The following HLCS variants were observed in gnomAD, a reference collection of about 807,000 sequenced individuals.
The protein encoded by HLCS is holocarboxylase synthetase.
Under a neutral mutation model 75.0 loss-of-function variants are expected in HLCS, and 53 were observed. The ratio of observed to expected loss-of-function variants is 0.71; its 90% CI spans 0.57 to 0.89. HLCS has a LOEUF of 0.89. Ranked by LOEUF, HLCS falls within the 40% of genes least tolerant of loss-of-function variation. The probability of loss-of-function intolerance (pLI) is 0.00; values close to 1 mark genes in which losing one functional copy is unlikely to be tolerated. For missense variants in HLCS, 966 were observed against 1,074.0 expected, an observed-to-expected ratio of 0.90 and a Z score of 1.41; for synonymous variants, 431 against 428.6, an observed-to-expected ratio of 1.01 and a Z score of -0.07.
intron 6 of HLCS, among the ~76,000 whole-genome samples, chr21:36,785,898 G>A (rs1338968153): frequency 6.6e-6 from 1 of 152,160 alleles, no homozygotes; most frequent in Non-Finnish European, 1.5e-5. Flanking sequence ...AGGCCCAGGT[G>A]GCAGAACTCC....
chr21:36,851,185 C>A (rs2062991850), intron 6 of HLCS, among the ~76,000 whole-genome samples: 1 of 152,186 alleles, frequency 6.6e-6, no homozygotes. Flanking sequence ...TAGGCATATA[C>A]CCAAAAGAAT....
intron 6 of HLCS, among the ~76,000 whole-genome samples, chr21:36,895,600 A>G (rs909163263): frequency 6.6e-6 from 1 of 152,180 alleles, no homozygotes; most frequent in African/African-American, 2.4e-5. Flanking sequence ...TACAACACAC[A>G]TACTAACACT....
intron 6 of HLCS, among the ~76,000 whole-genome samples, chr21:36,772,826 C>T (rs1277001938): frequency 6.6e-6 from 1 of 151,772 alleles, no homozygotes; most frequent in African/African-American, 2.4e-5. Context: ...ACTAAAAATA[C>T]AGAAATTAGC....
At chr21:36,781,254 T>C (rs1041732147) in intron 6 of HLCS, among the ~76,000 whole-genome samples, 2 of 121,788 alleles carry the variant, frequency 1.6e-5, no homozygotes, top group Non-Finnish European at 3.5e-5. Flanking sequence ...CGTGAAACTC[T>C]GTCTCAAAAA....
intron 6 of HLCS, among the ~76,000 whole-genome samples, chr21:36,857,179 A>G (rs1397402127): frequency 6.6e-6 from 1 of 152,266 alleles, no homozygotes; most frequent in African/African-American, 2.4e-5. Context: ...AGGATTGCTT[A>G]TCTCTTGTTC....
chr21:36,804,419 C>A (rs1467653946), intron 6 of HLCS, among the ~76,000 whole-genome samples: 1 of 152,150 alleles, frequency 6.6e-6, no homozygotes, highest in Non-Finnish European at 1.5e-5. Context: ...CGCTGGGTTC[C>A]TCCATATACC....
Position 36,936,483 on chromosome 21 carries a change from A to G in HLCS, c.1403T>C (p.Phe468Ser), listed in dbSNP as rs774255107. ...DKDRMIVHVPFGTRGGEAVLC... is the reference protein window; with the variant it reads ...DKDRMIVHVPSGTRGGEAVLC... ...AACAGCTTCTCCCCCGCGAGTTCCA[A>G]AAGGCACATGCACAATCATCCTGTC... is the stretch of plus-strand genomic sequence containing the variant. Residue 468 changes from phenylalanine to serine, a missense_variant, in exon 4 of 11, where the codon TTT (phenylalanine) becomes TCT (serine). Coordinates refer to ENST00000674895, the MANE Select transcript of HLCS (RefSeq NM_001352514.2). 2 of 1,614,200 alleles carry G rather than the reference A, an allele frequency of 1.2e-6. No individual in the cohort carries two copies. Among genetic ancestry groups the G allele is most frequent in the South Asian group, 2.2e-5 (2 of 91,088 alleles).
chr21:36,952,972 C>T (rs2146613022), intron 2 of HLCS, among the ~76,000 whole-genome samples: 1 of 152,250 alleles, frequency 6.6e-6, no homozygotes, highest in Non-Finnish European at 1.5e-5. Context: ...CTGCTGAATC[C>T]ATGACTGTCC....
chr21:36,950,210 C>G (rs2067604274), intron 2 of HLCS, among the ~76,000 whole-genome samples: 1 of 152,022 alleles, frequency 6.6e-6, no homozygotes, highest in South Asian at 2.1e-4. Context: ...CCTACTGTCC[C>G]TGGGATCAAG....
chr21:36,811,098 AT>A (rs1197426885), intron 6 of HLCS, among the ~76,000 whole-genome samples: 1 of 152,228 alleles, frequency 6.6e-6, no homozygotes, highest in Non-Finnish European at 1.5e-5. Context: ...GTACCTACAC[AT>A]TATGAAATTA....
intron 8 of HLCS, among the ~76,000 whole-genome samples, chr21:36,762,753 G>C (rs1037761206): frequency 6.6e-6 from 1 of 152,168 alleles, no homozygotes; most frequent in Non-Finnish European, 1.5e-5. Flanking sequence ...AGGAGAACGG[G>C]AACACAAATT....
intron 6 of HLCS, among the ~76,000 whole-genome samples, chr21:36,789,751 T>A (rs1267772535): frequency 6.6e-6 from 1 of 152,250 alleles, no homozygotes; most frequent in African/African-American, 2.4e-5. Flanking sequence ...GTTTTAAGAT[T>A]TTAATCTACG....
intron 1 of HLCS, among the ~76,000 whole-genome samples, chr21:36,962,793 C>CA (rs386394699): frequency 0.013 from 1,049 of 80,148 alleles, 26 homozygotes; most frequent in East Asian, 0.037. Flanking sequence ...GACCCTATCT[C>CA]AAAAAAAAAA....
At chr21:36,958,009 C>CTGTT (rs1238453197) in intron 2 of HLCS, among the ~76,000 whole-genome samples, 24 of 151,642 alleles carry the variant, frequency 1.6e-4, no homozygotes, top group African/African-American at 4.6e-4. Flanking sequence ...AGGTGGATCC[C>CTGTT]AAGGTCAGGA....
chr21:36,816,618 C>T, intron 6 of HLCS, among the ~76,000 whole-genome samples: 1 of 152,208 alleles, frequency 6.6e-6, no homozygotes. Flanking sequence ...GCCACTCAGC[C>T]ATTCTAGTAA....
At position 36,754,170 on chromosome 21, in the gene HLCS, ATT is replaced by A; in HGVS notation, c.*74_*75del. 7.1e-7 allele frequency: 1 copy of A among 1,415,252 alleles called. No individual in the cohort carries two copies. 87.7% of individuals were successfully genotyped at this position (1,415,252 alleles called of 1,614,324 possible). On this transcript the variant is annotated 3_prime_UTR_variant, in exon 11 of 11. Transcript: ENST00000674895. Reference sequence around the variant, plus strand: ...AACAAATGAATTGGAGGAAAAGAAAATTCACCTACAACTCTAAATTAGATTTC... The same window carrying A: ...AACAAATGAATTGGAGGAAAAGAAAACACCTACAACTCTAAATTAGATTTC...
At chr21:36,927,418 A>G (rs1306909970) in intron 5 of HLCS, among the ~76,000 whole-genome samples, 3 of 152,238 alleles carry the variant, frequency 2.0e-5, no homozygotes, top group South Asian at 2.1e-4. Context: ...TCTTGCTACT[A>G]TTCTTTCCAG....
chr21:36,809,080 G>T (rs1441896482), intron 6 of HLCS, among the ~76,000 whole-genome samples: 1 of 151,992 alleles, frequency 6.6e-6, no homozygotes, highest in Non-Finnish European at 1.5e-5. Flanking sequence ...TGGGTGTGGT[G>T]GTTCGCACCT....
intron 8 of HLCS, among the ~76,000 whole-genome samples, chr21:36,764,358 C>T (rs1190470924): frequency 5.3e-5 from 8 of 152,218 alleles, no homozygotes; most frequent in Admixed American, 2.0e-4. Flanking sequence ...GATGGCGCCA[C>T]TGCACTCCAG....
Sources: allele counts gnomAD v4.1 joint callset (sites outside exome capture counted in the v4.1 genomes callset), GRCh38; gene constraint gnomAD v4.1.1; transcripts MANE v1.5; gene names NCBI Gene and HGNC (gene_info 2026-07-23, HGNC 2026-07-21).